ENTREP2: variants seen among roughly 807,000 people sequenced by gnomAD.
The protein encoded by ENTREP2 is protein ENTREP2.
the ENTREP2 span, among the ~76,000 whole-genome samples, chr15:29,296,840 T>C: frequency 1.3e-5 from 2 of 152,176 alleles, no homozygotes; most frequent in African/African-American, 2.4e-5. Context: ...ATCTCAGCTC[T>C]AGAGTAAGGG....
the ENTREP2 span, among the ~76,000 whole-genome samples, chr15:29,433,755 G>A: frequency 7.3e-6 from 1 of 137,006 alleles, no homozygotes; most frequent in Non-Finnish European, 1.5e-5. Flanking sequence ...AGGTCTCTCA[G>A]ACACCAAACA....
chr15:29,372,976 T>C, the ENTREP2 span, among the ~76,000 whole-genome samples: 2 of 151,992 alleles, frequency 1.3e-5, no homozygotes, highest in Non-Finnish European at 2.9e-5. Flanking sequence ...CAATTAAACA[T>C]AAAAAGAAAA....
the ENTREP2 span, among the ~76,000 whole-genome samples, chr15:29,488,213 T>C: frequency 2.0e-4 from 31 of 152,186 alleles, no homozygotes; most frequent in East Asian, 1.4e-3. Flanking sequence ...AATAAGTGAA[T>C]TGAAATAAAG....
At chr15:29,622,330 C>T in the ENTREP2 span, among the ~76,000 whole-genome samples, 1 of 152,018 alleles carries the variant, frequency 6.6e-6, no homozygotes, top group African/African-American at 2.4e-5. Flanking sequence ...TTCAGCCTCC[C>T]AAGTAGCTGG....
the ENTREP2 span, among the ~76,000 whole-genome samples, chr15:29,362,955 A>G: frequency 2.0e-5 from 3 of 152,166 alleles, 1 homozygote; most frequent in African/African-American, 7.2e-5. Flanking sequence ...CTGATATTTA[A>G]TACTGTTAGT....
chr15:29,545,937 G>A, the ENTREP2 span, among the ~76,000 whole-genome samples: 1 of 152,152 alleles, frequency 6.6e-6, no homozygotes, highest in Non-Finnish European at 1.5e-5. Flanking sequence ...ATTAACCAAG[G>A]GAAGGACTTA....
chr15:29,330,596 C>A, the ENTREP2 span, among the ~76,000 whole-genome samples: 45,299 of 151,928 alleles, frequency 0.3, 9,008 homozygotes, highest in African/African-American at 0.57. Flanking sequence ...CGAGGTCATA[C>A]GAAGTGAGGA....
chr15:29,621,687 G>A, the ENTREP2 span, among the ~76,000 whole-genome samples: 5 of 149,636 alleles, frequency 3.3e-5, no homozygotes, highest in East Asian at 9.7e-4. Flanking sequence ...AAATAGTGCA[G>A]GCACTATGTA....
At chr15:29,233,822 G>T in the ENTREP2 span, 1 of 1,577,206 alleles carries the variant, frequency 6.3e-7, no homozygotes, top group Non-Finnish European at 8.7e-7. Flanking sequence ...ACTGTCTGGC[G>T]AAGATTAAAA....
the ENTREP2 span, among the ~76,000 whole-genome samples, chr15:29,172,766 G>A: frequency 5.3e-5 from 8 of 151,940 alleles, no homozygotes; most frequent in Non-Finnish European, 8.8e-5. Flanking sequence ...GTGTTGACCC[G>A]GCTACCAACC....
the ENTREP2 span, among the ~76,000 whole-genome samples, chr15:29,524,783 G>A: frequency 3.3e-5 from 5 of 152,272 alleles, no homozygotes; most frequent in East Asian, 7.7e-4. Flanking sequence ...GACAGCGAGC[G>A]AAAGCTCAGC....
the ENTREP2 span, among the ~76,000 whole-genome samples, chr15:29,321,472 A>C: frequency 1.3e-5 from 2 of 152,026 alleles, no homozygotes; most frequent in South Asian, 4.1e-4. Flanking sequence ...AGATGGTGGA[A>C]TCCCATCTCA....
At chr15:29,196,614 C>T in the ENTREP2 span, 2 of 1,528,550 alleles carry the variant, frequency 1.3e-6, no homozygotes, top group Non-Finnish European at 1.8e-6. Flanking sequence ...CATTCGACCC[C>T]CGAGGGTACG....
chr15:29,153,838 G>C, the ENTREP2 span, among the ~76,000 whole-genome samples: 1 of 152,128 alleles, frequency 6.6e-6, no homozygotes, highest in South Asian at 2.1e-4. Flanking sequence ...ACAGGGTCTT[G>C]CTCTGTTGCC....
the ENTREP2 span, among the ~76,000 whole-genome samples, chr15:29,482,721 T>A: frequency 6.6e-6 from 1 of 152,232 alleles, no homozygotes; most frequent in Non-Finnish European, 1.5e-5. Flanking sequence ...TATCTCACAG[T>A]TTATTTATCA....
chr15:29,444,271 TA>T, the ENTREP2 span, among the ~76,000 whole-genome samples: 983 of 150,180 alleles, frequency 6.5e-3, 16 homozygotes, highest in African/African-American at 0.021. Flanking sequence ...AAGAAGGGGA[TA>T]GGGGAAAAGC....
At chr15:29,357,393 G>A in the ENTREP2 span, among the ~76,000 whole-genome samples, 5 of 151,944 alleles carry the variant, frequency 3.3e-5, no homozygotes, top group Non-Finnish European at 5.9e-5. Context: ...TCAAAGCCTC[G>A]GAGGGGGTAT....
chr15:29,185,493 C>T, the ENTREP2 span, among the ~76,000 whole-genome samples: 2 of 152,218 alleles, frequency 1.3e-5, no homozygotes, highest in African/African-American at 4.8e-5. Flanking sequence ...ACACAGTACA[C>T]ATTCTGTGCT....
At chr15:29,493,668 C>T in the ENTREP2 span, among the ~76,000 whole-genome samples, 1 of 151,854 alleles carries the variant, frequency 6.6e-6, no homozygotes, top group African/African-American at 2.4e-5. Context: ...GATAGATAGA[C>T]AGATAGAGAT....
Sources: gnomAD v4.1 joint callset for allele counts (sites outside exome capture counted in the v4.1 genomes callset) on GRCh38, gnomAD v4.1.1 for gene constraint, MANE v1.5 for transcripts, NCBI Gene and HGNC (gene_info 2026-07-23, HGNC 2026-07-21) for gene names.